ALCAM: variants seen among roughly 807,000 people sequenced by gnomAD.
The protein encoded by ALCAM is CD166 antigen.
A neutral mutation model predicts 70.9 loss-of-function variants in ALCAM; 30 were observed. The ratio of observed to expected loss-of-function variants is 0.42; its 90% CI spans 0.32 to 0.57. The LOEUF (loss-of-function observed/expected upper bound fraction) is 0.57, where lower values mean the gene tolerates loss of function less well. Among genes scored for constraint, ALCAM ranks in the 20% least tolerant of loss-of-function variants. The pLI, the probability that ALCAM is intolerant of heterozygous loss-of-function variation, is 0.11. For missense variants in ALCAM, 591 were observed against 695.1 expected, an observed-to-expected ratio of 0.85 and a Z score of 1.68; for synonymous variants, 249 against 242.5, an observed-to-expected ratio of 1.03 and a Z score of -0.25.
rs533199891 is a variant in ALCAM at position 105,497,820 on chromosome 3, G to A, written c.74-22247G>A. 5.8e-3 allele frequency among the ~76,000 whole-genome samples: 876 copies of A among 151,904 alleles called. 7 individuals are homozygous for A. Among genetic ancestry groups the A allele is most frequent in the African/African-American group, 0.02 (846 of 41,442 alleles). ...GCCGAGGCGGGCGGATCACGAGGTCGGGAGATCGAGACCATCCTGGCTAAC... is the reference window on the plus strand; with the variant it reads ...GCCGAGGCGGGCGGATCACGAGGTCAGGAGATCGAGACCATCCTGGCTAAC... On this transcript the variant is annotated intron_variant, in intron 1 of 15. Coordinates refer to ENST00000306107, the MANE Select transcript of ALCAM (RefSeq NM_001627.4).
At chr3:105,468,422 C>A (rs1432524636) in intron 1 of ALCAM, among the ~76,000 whole-genome samples, 1 of 151,224 alleles carries the variant, frequency 6.6e-6, no homozygotes, top group African/African-American at 2.4e-5. Flanking sequence ...GTAAACTCTT[C>A]TTTTAATCAT....
chr3:105,516,515 A>G (rs1397198252), intron 1 of ALCAM, among the ~76,000 whole-genome samples: 1 of 151,992 alleles, frequency 6.6e-6, no homozygotes, highest in Non-Finnish European at 1.5e-5. Context: ...TTGAATTTCC[A>G]TTAATACTTC....
chr3:105,402,072 A>T (rs1391050352), intron 1 of ALCAM, among the ~76,000 whole-genome samples: 1 of 152,194 alleles, frequency 6.6e-6, no homozygotes, highest in African/African-American at 2.4e-5. Flanking sequence ...AACAATCATG[A>T]AGCTTTACCA....
At chr3:105,421,995 A>G (rs911863983) in intron 1 of ALCAM, among the ~76,000 whole-genome samples, 9 of 150,880 alleles carry the variant, frequency 6.0e-5, no homozygotes, top group Non-Finnish European at 1.3e-4. Flanking sequence ...CCCACTCCCA[A>G]TTTTCCCACT....
At chr3:105,510,844 C>G (rs1384314844) in intron 1 of ALCAM, among the ~76,000 whole-genome samples, 1 of 151,978 alleles carries the variant, frequency 6.6e-6, no homozygotes, top group South Asian at 2.1e-4. Context: ...TAACCATTTC[C>G]TAAATTGCAG....
chr3:105,380,018 A>AATGC (rs1311693880), intron 1 of ALCAM, among the ~76,000 whole-genome samples: 1 of 151,818 alleles, frequency 6.6e-6, no homozygotes, highest in Non-Finnish European at 1.5e-5. Context: ...GTGATAAAAT[A>AATGC]ATGCATGTTT....
intron 9 of ALCAM, among the ~76,000 whole-genome samples, 176 bp from the exon 10 acceptor site, chr3:105,546,973 A>C (rs1284918929): frequency 6.6e-6 from 1 of 151,470 alleles, no homozygotes; most frequent in Non-Finnish European, 1.5e-5. Context: ...GACATGTCTG[A>C]CTCTAAAACA....
chr3:105,415,410 G>A (rs926155225), intron 1 of ALCAM, among the ~76,000 whole-genome samples: 4 of 152,098 alleles, frequency 2.6e-5, no homozygotes, highest in African/African-American at 9.7e-5. Context: ...GATAAGCTGA[G>A]ATCAACAAAT....
intron 1 of ALCAM, among the ~76,000 whole-genome samples, chr3:105,396,894 T>G (rs1935965940): frequency 6.6e-6 from 1 of 152,064 alleles, no homozygotes; most frequent in Non-Finnish European, 1.5e-5. Context: ...ATGTATACTT[T>G]TAGGTGGCAT....
intron 4 of ALCAM, among the ~76,000 whole-genome samples, chr3:105,532,457 G>A (rs952037845): frequency 1.3e-5 from 2 of 152,072 alleles, no homozygotes; most frequent in African/African-American, 4.8e-5. Flanking sequence ...TTAAAAGTTA[G>A]CTGGGCATAG....
intron 1 of ALCAM, among the ~76,000 whole-genome samples, chr3:105,489,370 A>G (rs1938520828): frequency 6.6e-6 from 1 of 152,160 alleles, no homozygotes; most frequent in African/African-American, 2.4e-5. Flanking sequence ...AATGGCTTAC[A>G]GTGAAAAAAG....
rs1028066335 is a variant in ALCAM at position 105,486,149 on chromosome 3, A to T, written c.74-33918A>T. On this transcript the variant is annotated intron_variant, in intron 1 of 15. Coordinates refer to ENST00000306107, the MANE Select transcript of ALCAM (RefSeq NM_001627.4). ...TTAATGTTTTCAGATGAAAGCATTG[A>T]TCCTTCCATGCTTCATAAAATGGCA... 3.3e-5 allele frequency among the ~76,000 whole-genome samples: 5 copies of T among 152,130 alleles called. No homozygotes were observed. In the East Asian group the frequency reaches 9.6e-4, roughly 29 times the overall value.
intron 6 of ALCAM, among the ~76,000 whole-genome samples, chr3:105,539,325 C>A (rs935527247): frequency 6.6e-6 from 1 of 152,062 alleles, no homozygotes; most frequent in South Asian, 2.1e-4. Context: ...TACCCTTTAG[C>A]CCTATTTTCT....
intron 1 of ALCAM, among the ~76,000 whole-genome samples, chr3:105,435,678 T>C (rs529719000): frequency 6.6e-6 from 1 of 152,254 alleles, no homozygotes; most frequent in Non-Finnish European, 1.5e-5. Context: ...CCAGAGCCTA[T>C]ATGATGCCAA....
chr3:105,453,270 C>A (rs567789546), intron 1 of ALCAM, among the ~76,000 whole-genome samples: 3 of 152,244 alleles, frequency 2.0e-5, no homozygotes, highest in East Asian at 3.9e-4. Flanking sequence ...GGAAGGGTTC[C>A]AGTTTCAGTT....
At chr3:105,384,754 C>A (rs1415734871) in intron 1 of ALCAM, among the ~76,000 whole-genome samples, 1 of 151,376 alleles carries the variant, frequency 6.6e-6, no homozygotes, top group African/African-American at 2.4e-5. Context: ...ATTTGTATAA[C>A]CAATTTTAAG....
intron 4 of ALCAM, 32 bp downstream of exon 4, chr3:105,532,098 T>TGTTA: frequency 6.3e-7 from 1 of 1,582,076 alleles, no homozygotes; most frequent in East Asian, 2.2e-5. Context: ...TACCTTTATT[T>TGTTA]AGCCAGTGTT....
At chr3:105,514,658 A>T (rs1357908648) in intron 1 of ALCAM, among the ~76,000 whole-genome samples, 2 of 151,948 alleles carry the variant, frequency 1.3e-5, no homozygotes, top group East Asian at 3.9e-4. Context: ...TTAAAACATA[A>T]TCCTGGGTAC....
At chr3:105,489,155 T>C (rs1463413792) in intron 1 of ALCAM, among the ~76,000 whole-genome samples, 5 of 152,190 alleles carry the variant, frequency 3.3e-5, no homozygotes, top group Non-Finnish European at 7.4e-5. Flanking sequence ...AGTTCATCCC[T>C]GAAGAGTTTT....
Sources: gnomAD v4.1 joint callset for allele counts (sites outside exome capture counted in the v4.1 genomes callset) on GRCh38, gnomAD v4.1.1 for gene constraint, MANE v1.5 for transcripts, NCBI Gene and HGNC (gene_info 2026-07-23, HGNC 2026-07-21) for gene names.